DNM3: variants seen among roughly 807,000 people sequenced by gnomAD.
DNM3 encodes the protein dynamin-3.
A neutral mutation model predicts 101.6 loss-of-function variants in DNM3; 47 were observed. The ratio of observed to expected loss-of-function variants is 0.46; its 90% CI spans 0.37 to 0.59. The LOEUF (loss-of-function observed/expected upper bound fraction) is 0.59, where lower values mean the gene tolerates loss of function less well. DNM3 is among the 20% of genes least tolerant of loss of function. DNM3 has a pLI of 0.00. For synonymous variants in DNM3, 385 were observed against 387.9 expected, an observed-to-expected ratio of 0.99 and a Z score of 0.09; for missense variants, 849 against 1,085.7, an observed-to-expected ratio of 0.78 and a Z score of 3.06.
intron 17 of DNM3, among the ~76,000 whole-genome samples, chr1:172,354,576 A>G (rs1300408358): frequency 6.6e-6 from 1 of 152,178 alleles, no homozygotes; most frequent in Non-Finnish European, 1.5e-5. Context: ...AAAGACATGT[A>G]GAGTTTGATT....
chr1:172,046,381 A>C (rs539150636), intron 9 of DNM3, among the ~76,000 whole-genome samples: 2 of 152,206 alleles, frequency 1.3e-5, no homozygotes, highest in East Asian at 3.9e-4. Flanking sequence ...CAGGAAGGGG[A>C]ACATCACACT....
chr1:172,184,282 GA>G (rs2059449549), intron 14 of DNM3, among the ~76,000 whole-genome samples: 1 of 152,010 alleles, frequency 6.6e-6, no homozygotes, highest in Non-Finnish European at 1.5e-5. Context: ...AACAAGCAAA[GA>G]AAATTATCAC....
At chr1:172,223,455 C>T (rs768270713) in intron 14 of DNM3, among the ~76,000 whole-genome samples, 6 of 151,946 alleles carry the variant, frequency 3.9e-5, no homozygotes, top group Admixed American at 6.6e-5. Flanking sequence ...TTTTTACATT[C>T]GTTGAAATAT....
intron 1 of DNM3, among the ~76,000 whole-genome samples, chr1:171,898,216 G>T (rs2037984509): frequency 6.6e-6 from 1 of 151,932 alleles, no homozygotes; most frequent in African/African-American, 2.4e-5. Context: ...TGGTTTTCAT[G>T]GTCTTAGACT....
At chr1:172,056,481 C>G (rs186343417) in intron 10 of DNM3, among the ~76,000 whole-genome samples, 61 of 152,218 alleles carry the variant, frequency 4.0e-4, no homozygotes, top group African/African-American at 1.4e-3. Context: ...TCTTCCAGTA[C>G]GCAGCTGGAG....
chr1:172,221,749 T>G (rs2060913687), intron 14 of DNM3, among the ~76,000 whole-genome samples: 1 of 152,154 alleles, frequency 6.6e-6, no homozygotes, highest in Non-Finnish European at 1.5e-5. Context: ...ACTGTCTCTC[T>G]TGCTATCTCT....
chr1:171,914,409 G>A (rs921702315), intron 1 of DNM3, among the ~76,000 whole-genome samples: 1 of 152,090 alleles, frequency 6.6e-6, no homozygotes, highest in South Asian at 2.1e-4. Context: ...TGCCGGCCTC[G>A]GCCTCCCAAA....
intron 15 of DNM3, among the ~76,000 whole-genome samples, chr1:172,305,576 C>G (rs1470841447): frequency 1.3e-5 from 2 of 151,388 alleles, no homozygotes; most frequent in Admixed American, 6.6e-5. Flanking sequence ...AGAGACACAA[C>G]AAAAAAAAGA....
chr1:171,924,060 G>C (rs1173683308), intron 2 of DNM3, among the ~76,000 whole-genome samples: 1 of 152,060 alleles, frequency 6.6e-6, no homozygotes, highest in African/African-American at 2.4e-5. Flanking sequence ...TGTGTCCCCT[G>C]TTTTCTTTAT....
At chr1:172,209,766 A>G (rs918113337) in intron 14 of DNM3, among the ~76,000 whole-genome samples, 1 of 152,060 alleles carries the variant, frequency 6.6e-6, no homozygotes, top group Non-Finnish European at 1.5e-5. Flanking sequence ...TTTCAGTCTA[A>G]TATTTCCCAG....
intron 14 of DNM3, among the ~76,000 whole-genome samples, chr1:172,182,960 T>A (rs2059399015): frequency 6.6e-6 from 1 of 152,106 alleles, no homozygotes; most frequent in African/African-American, 2.4e-5. Flanking sequence ...CCAATTTTAA[T>A]AATCATGACA....
At chr1:172,365,780 C>T (rs913429685) in intron 17 of DNM3, among the ~76,000 whole-genome samples, 1 of 151,914 alleles carries the variant, frequency 6.6e-6, no homozygotes, top group Admixed American at 6.6e-5. Flanking sequence ...GTGAGTTGCA[C>T]ATCCTGTAGA....
At chr1:172,178,423 G>A (rs1168127267) in intron 14 of DNM3, among the ~76,000 whole-genome samples, 1 of 151,926 alleles carries the variant, frequency 6.6e-6, no homozygotes, top group Non-Finnish European at 1.5e-5. Flanking sequence ...ACTTGAGTCT[G>A]TATAATTCTG....
At chr1:172,167,757 G>T (rs2058803663) in intron 14 of DNM3, among the ~76,000 whole-genome samples, 1 of 151,924 alleles carries the variant, frequency 6.6e-6, no homozygotes, top group African/African-American at 2.4e-5. Flanking sequence ...GGACAAACAG[G>T]TACATAATTT....
At chr1:172,318,561 A>G (rs1481366833) in intron 16 of DNM3, among the ~76,000 whole-genome samples, 36 of 152,312 alleles carry the variant, frequency 2.4e-4, no homozygotes, top group Non-Finnish European at 8.8e-5. Context: ...CAATCAATGT[A>G]CAAAAATCAC....
At chr1:172,263,185 C>A (rs566356850) in intron 15 of DNM3, among the ~76,000 whole-genome samples, 1 of 152,242 alleles carries the variant, frequency 6.6e-6, no homozygotes, top group Admixed American at 6.5e-5. Context: ...TAATAGTGAA[C>A]TTAGAAGGTC....
intron 14 of DNM3, chr1:172,138,113 T>A (rs988096103): frequency 6.6e-6 from 1 of 152,106 alleles, no homozygotes; most frequent in African/African-American, 2.4e-5. Context: ...TAAATTTATG[T>A]ATACCATGAC....
At chr1:172,286,479 A>G (rs2063707332) in intron 15 of DNM3, among the ~76,000 whole-genome samples, 1 of 152,234 alleles carries the variant, frequency 6.6e-6, no homozygotes, top group Admixed American at 6.5e-5. Context: ...GGTATTGGTT[A>G]TGCCCAAGTA....
intron 2 of DNM3, among the ~76,000 whole-genome samples, chr1:171,967,471 C>T (rs570080006): frequency 2.0e-5 from 3 of 152,190 alleles, no homozygotes; most frequent in East Asian, 1.9e-4. Flanking sequence ...TTCTGACTTT[C>T]CTCTGTCTCT....
Sources: allele counts gnomAD v4.1 joint callset (sites outside exome capture counted in the v4.1 genomes callset), GRCh38; gene constraint gnomAD v4.1.1; transcripts MANE v1.5; gene names NCBI Gene and HGNC (gene_info 2026-07-23, HGNC 2026-07-21).